ANKRD30B: variants seen among roughly 807,000 people sequenced by gnomAD.
ANKRD30B encodes the protein ankyrin repeat domain-containing protein 30B.
A neutral mutation model predicts 202.2 loss-of-function variants in ANKRD30B; 144 were observed. The ratio of observed to expected loss-of-function variants is 0.71; its 90% CI spans 0.62 to 0.82. ANKRD30B has a LOEUF of 0.82. Ranked by LOEUF, ANKRD30B falls within the 40% of genes least tolerant of loss-of-function variation. The pLI, the probability that ANKRD30B is intolerant of heterozygous loss-of-function variation, is 0.00. For missense variants in ANKRD30B, 1,487 were observed against 1,669.1 expected, an observed-to-expected ratio of 0.89 and a Z score of 1.90; for synonymous variants, 508 against 561.3, an observed-to-expected ratio of 0.91 and a Z score of 1.34.
Position 14,808,226 on chromosome 18 carries a change from A to G in ANKRD30B, c.2285-325A>G, listed in dbSNP as rs988064977. 1.6e-4 allele frequency: 54 copies of G among 345,288 alleles called. 3 individuals carry two copies. The highest frequency in any genetic ancestry group is 1.1e-3 in the African/African-American group (50 of 46,282). The allele number at this position is 345,288 out of a possible 1,614,324, so 21.4% of individuals were successfully genotyped here. ...GGGGGGTCATGACTTGGTCATCTTA[A>G]TAAATTCAACTTCTTTCCCTATACG... On this transcript the variant is annotated intron_variant, in intron 24 of 43. Transcript: ENST00000690538.
At chr18:14,847,282 C>G (rs992643450) in intron 39 of ANKRD30B, among the ~76,000 whole-genome samples, 20 of 151,446 alleles carry the variant, frequency 1.3e-4, no homozygotes, top group African/African-American at 4.9e-4. Flanking sequence ...TATATCATAT[C>G]ATAGATGGTA....
intron 1 of ANKRD30B, among the ~76,000 whole-genome samples, chr18:14,751,190 CAAT>C (rs1460812261): frequency 3.4e-4 from 51 of 151,936 alleles, no homozygotes; most frequent in African/African-American, 1.2e-3. Context: ...ACATATATGT[CAAT>C]AACTATAGAT....
the ANKRD30B span, among the ~76,000 whole-genome samples, chr18:14,883,371 C>CTGTCTG: frequency 7.0e-4 from 45 of 64,472 alleles, no homozygotes; most frequent in African/African-American, 3.2e-3. Flanking sequence ...GTCTGTCTGT[C>CTGTCTG]TCTCTCTCTC....
chr18:14,879,120 G>T, the ANKRD30B span, among the ~76,000 whole-genome samples: 2 of 152,214 alleles, frequency 1.3e-5, no homozygotes, highest in Non-Finnish European at 2.9e-5. Context: ...CACAGACCTT[G>T]CGGGCACTGC....
chr18:14,863,248 C>T, the ANKRD30B span, among the ~76,000 whole-genome samples: 1 of 107,482 alleles, frequency 9.3e-6, no homozygotes, highest in Non-Finnish European at 2.1e-5. Context: ...TGATCTTAAA[C>T]GTTGGTGGTG....
At chr18:14,856,002 G>T, downstream of ANKRD30B, among the ~76,000 whole-genome samples, 1 of 139,348 alleles carries the variant, frequency 7.2e-6, no homozygotes, top group South Asian at 2.3e-4. Flanking sequence ...TCACCTCCCA[G>T]ACTGGGCGGC....
the ANKRD30B span, chr18:14,888,748 CT>C: frequency 6.8e-6 from 7 of 1,032,680 alleles, no homozygotes; most frequent in Non-Finnish European, 9.8e-6. Context: ...TTTGTTCTTT[CT>C]TCATTTTTTT....
At chr18:14,903,293 G>GA in the ANKRD30B span, among the ~76,000 whole-genome samples, 18 of 152,334 alleles carry the variant, frequency 1.2e-4, no homozygotes, top group African/African-American at 4.3e-4. Flanking sequence ...GCCTGGGGGA[G>GA]AGCCACAGAG....
the ANKRD30B span, among the ~76,000 whole-genome samples, chr18:14,879,878 T>G: frequency 6.6e-6 from 1 of 152,180 alleles, no homozygotes; most frequent in Non-Finnish European, 1.5e-5. Flanking sequence ...AGAAGCTCTT[T>G]AGTTTAATTA....
intron 34 of ANKRD30B, among the ~76,000 whole-genome samples, chr18:14,833,243 A>C (rs563487708): frequency 7.0e-6 from 1 of 142,612 alleles, no homozygotes; most frequent in African/African-American, 2.6e-5. Context: ...GCCGAAACTC[A>C]TGTTCTTTTT....
At chr18:14,782,907 A>G (rs1021041600) in intron 12 of ANKRD30B, among the ~76,000 whole-genome samples, 6 of 152,206 alleles carry the variant, frequency 3.9e-5, no homozygotes, top group African/African-American at 1.4e-4. Flanking sequence ...TAAGGAAGGC[A>G]GAGAGAGTAC....
At chr18:14,911,332 T>A in the ANKRD30B span, among the ~76,000 whole-genome samples, 1 of 152,160 alleles carries the variant, frequency 6.6e-6, no homozygotes, top group Non-Finnish European at 1.5e-5. Flanking sequence ...AGTCTCTCCC[T>A]TCTGCATAGG....
chr18:14,937,717 T>G, the ANKRD30B span, among the ~76,000 whole-genome samples: 1 of 152,256 alleles, frequency 6.6e-6, no homozygotes. Context: ...GTGCTTTTGT[T>G]GCTCCGTTCT....
chr18:14,824,105 A>G (rs542578670), intron 32 of ANKRD30B, among the ~76,000 whole-genome samples: 1 of 32,554 alleles, frequency 3.1e-5, no homozygotes, highest in African/African-American at 4.3e-5. Context: ...TTATTTTGGA[A>G]CTTCCTTTTT....
the ANKRD30B span, chr18:14,883,459 A>G: frequency 1.2e-4 from 17 of 145,774 alleles, no homozygotes; most frequent in Admixed American, 3.5e-4. Flanking sequence ...ATATATCTAT[A>G]TATCTATAGA....
intron 6 of ANKRD30B, among the ~76,000 whole-genome samples, chr18:14,761,021 C>T (rs1165804049): frequency 6.6e-6 from 1 of 152,050 alleles, no homozygotes; most frequent in African/African-American, 2.4e-5. Flanking sequence ...AGCTCAGTAA[C>T]AGGGGATGAT....
the ANKRD30B span, among the ~76,000 whole-genome samples, chr18:14,870,277 G>A: frequency 6.6e-6 from 1 of 152,196 alleles, no homozygotes; most frequent in African/African-American, 2.4e-5. Flanking sequence ...ACTGCGCCTG[G>A]CCTAAATTGT....
chr18:14,799,004 A>T, intron 20 of ANKRD30B, 97 bp from the exon 21 acceptor site: 1 of 1,221,894 alleles, frequency 8.2e-7, no homozygotes. Flanking sequence ...CAATCCAAGC[A>T]TCATGAGGAT....
chr18:14,937,366 A>C, the ANKRD30B span, among the ~76,000 whole-genome samples: 1 of 152,336 alleles, frequency 6.6e-6, no homozygotes, highest in African/African-American at 2.4e-5. Context: ...AGTTAGAGTA[A>C]ACGGGGGTTC....
Sources: allele counts gnomAD v4.1 joint callset (sites outside exome capture counted in the v4.1 genomes callset), GRCh38; gene constraint gnomAD v4.1.1; transcripts MANE v1.5; gene names NCBI Gene and HGNC (gene_info 2026-07-23, HGNC 2026-07-21).